Variants in TSC22D1 observed in about 807,000 individuals in gnomAD.
TSC22D1 encodes TSC22 domain family protein 1.
TSC22D1 carries 9 observed loss-of-function variants against 74.2 expected under a neutral mutation model. The ratio of observed to expected loss-of-function variants is 0.12; its 90% confidence interval spans 0.07 to 0.21. The LOEUF (loss-of-function observed/expected upper bound fraction) is 0.21, where lower values mean the gene tolerates loss of function less well. Among genes scored for constraint, TSC22D1 ranks in the 10% least tolerant of loss-of-function variants. TSC22D1 has a pLI of 1.00. For missense variants in TSC22D1, 1,427 were observed against 1,304.7 expected (o/e 1.09, Z -1.44); for synonymous variants, 586 against 492.5 (o/e 1.19, Z -2.51).
chr13:44,536,821 C>T (rs1435635721), intron 1 of TSC22D1: 3 of 981,722 alleles, frequency 3.1e-6, no homozygotes, highest in Non-Finnish European at 3.6e-6. Context: ...AAAGATGATG[C>T]TAATCAGGAA....
intron 1 of TSC22D1, among the ~76,000 whole-genome samples, chr13:44,530,131 G>A (rs1880751959): frequency 6.6e-6 from 1 of 152,100 alleles, no homozygotes; most frequent in Non-Finnish European, 1.5e-5. Flanking sequence ...AACCAAGTCA[G>A]AGGATTTACA....
Position 44,433,783 on chromosome 13 carries a change from A to G in TSC22D1, c.*843T>C. ...TCAGCAGCTAGATTTCAGATTACAC[A>G]AAGTGAGTAACTGTGCCAAATTCTT... On this transcript the variant is annotated 3_prime_UTR_variant, in exon 3 of 3. Transcript: ENST00000458659. The G allele has an allele frequency of 3.8e-6, 2 of 528,910 alleles. No individual in the cohort carries two copies. The highest frequency in any genetic ancestry group is 6.4e-6 in the Non-Finnish European group (2 of 310,592). The allele number at this position is 528,910 out of a possible 1,614,324, so 32.8% of individuals were successfully genotyped here. A position where few individuals can be genotyped will look rare whatever the true frequency, so the allele number is the denominator to read the frequency against.
chr13:44,489,014 T>C (rs929695932), intron 1 of TSC22D1, among the ~76,000 whole-genome samples: 1 of 152,048 alleles, frequency 6.6e-6, no homozygotes, highest in Non-Finnish European at 1.5e-5. Context: ...CCTTCCCAGA[T>C]ACCAAAACTT....
chr13:44,519,545 A>G (rs184163792), intron 1 of TSC22D1, among the ~76,000 whole-genome samples: 13 of 152,286 alleles, frequency 8.5e-5, no homozygotes, highest in Admixed American at 5.9e-4. Context: ...TGGGCAAAAG[A>G]GACAGCCAAA....
intron 1 of TSC22D1, among the ~76,000 whole-genome samples, chr13:44,565,162 A>G (rs1883288837): frequency 6.6e-6 from 1 of 152,196 alleles, no homozygotes; most frequent in Non-Finnish European, 1.5e-5. Flanking sequence ...TCAGAAGCCA[A>G]TAGCATACAA....
chr13:44,537,002 T>C (rs1375638018), intron 1 of TSC22D1: 1 of 962,436 alleles, frequency 1.0e-6, no homozygotes, highest in Non-Finnish European at 1.2e-6. Flanking sequence ...TTCAGAAATA[T>C]TTAGAGAAAG....
intron 1 of TSC22D1, among the ~76,000 whole-genome samples, chr13:44,554,185 C>T (rs1021333870): frequency 6.6e-6 from 1 of 152,084 alleles, no homozygotes; most frequent in African/African-American, 2.4e-5. Flanking sequence ...AACAACAGCA[C>T]GGGTAGCTAT....
chr13:44,447,051 C>A (rs1339395774), intron 1 of TSC22D1, among the ~76,000 whole-genome samples: 2 of 152,080 alleles, frequency 1.3e-5, no homozygotes, highest in Middle Eastern at 3.4e-3. Context: ...CTGAAACTAT[C>A]CATTAAATAA....
chr13:44,447,645 C>T (rs1037740757), intron 1 of TSC22D1, among the ~76,000 whole-genome samples: 2 of 151,858 alleles, frequency 1.3e-5, no homozygotes, highest in Admixed American at 1.3e-4. Flanking sequence ...CTATATATAA[C>T]ACATGTATTT....
chr13:44,555,650 TCC>T (rs1373684130), intron 1 of TSC22D1, among the ~76,000 whole-genome samples: 3 of 151,962 alleles, frequency 2.0e-5, no homozygotes, highest in Admixed American at 2.0e-4. Context: ...TGTACAGCCA[TCC>T]TTGTCTTCAA....
rs780592755 is a variant in TSC22D1 at position 44,434,795 on chromosome 13, G to C, written c.3053C>G (p.Ser1018Cys). The C allele has an allele frequency of 1.2e-6, 2 of 1,614,064 alleles. No homozygotes were observed. Among genetic ancestry groups the C allele is most frequent in the Non-Finnish European group, 1.7e-6 (2 of 1,180,012 alleles). Residue 1018 changes from serine (S) to cysteine (C), a missense_variant, in exon 3 of 3, where the codon TCC becomes TGC. Ser to Cys is a moderately radical substitution (Grantham distance 112, BLOSUM62 -1). This residue lies in a region of TSC22D1 where 21 missense variants were observed against 62.7 expected (regional missense o/e 0.34). Coordinates refer to ENST00000458659, the MANE Select transcript of TSC22D1 (RefSeq NM_183422.4). Reference protein sequence around the residue: ...EQIKELIEKNSQLEQENNLLK... With the variant: ...EQIKELIEKNCQLEQENNLLK... ...CAGATTGTTCTCCTGCTCCAGCTGGGAATTTTTCTCTATTAGTTCTTTGAT... is the reference window on the plus strand; with the variant it reads ...CAGATTGTTCTCCTGCTCCAGCTGGCAATTTTTCTCTATTAGTTCTTTGAT...
At chr13:44,491,585 T>A (rs1403959871) in intron 1 of TSC22D1, among the ~76,000 whole-genome samples, 1 of 150,738 alleles carries the variant, frequency 6.6e-6, no homozygotes, top group African/African-American at 2.4e-5. Context: ...AAGAAAAGAT[T>A]AGTATCCAGA....
At chr13:44,462,424 G>A (rs1185290109) in intron 1 of TSC22D1, among the ~76,000 whole-genome samples, 1 of 152,100 alleles carries the variant, frequency 6.6e-6, no homozygotes, top group African/African-American at 2.4e-5. Flanking sequence ...TTCAACAAAA[G>A]AAAGAAGTAC....
At chr13:44,504,826 T>TTAA (rs1879374835) in intron 1 of TSC22D1, among the ~76,000 whole-genome samples, 1 of 152,182 alleles carries the variant, frequency 6.6e-6, no homozygotes, top group South Asian at 2.1e-4. Context: ...CATCTCTTAT[T>TTAA]TAATTCTAAG....
intron 1 of TSC22D1, among the ~76,000 whole-genome samples, chr13:44,503,576 G>T (rs1158305540): frequency 1.3e-5 from 2 of 152,166 alleles, no homozygotes; most frequent in East Asian, 3.8e-4. Context: ...TTCAATTTGG[G>T]TTGGGGCTGG....
chr13:44,573,346 A>G lies in TSC22D1; in HGVS notation c.2729T>C (p.Ile910Thr), dbSNP rs1883910564. ...QSLAQAIGSQ[I>T]EDARRAAEPS... ...CTCCGCTGCACGCCTGGCATCTTCA[A>G]TTTGGCTTCCAATTGCCTGAGCTAA... The change falls in exon 1 of 3, where the codon ATT becomes ACT. Residue 910 changes from isoleucine to threonine, a missense_variant. This residue lies in a region of TSC22D1 where 1,343 missense variants were observed against 1,191.5 expected (regional missense o/e 1.13). Transcript: ENST00000458659. 5 of 1,614,248 alleles carry G rather than the reference A, an allele frequency of 3.1e-6. No individual in the cohort carries two copies. In the South Asian group the frequency reaches 4.4e-5, roughly 14 times the overall value.
At chr13:44,517,290 CAG>C (rs754810508) in intron 1 of TSC22D1, among the ~76,000 whole-genome samples, 1 of 151,478 alleles carries the variant, frequency 6.6e-6, no homozygotes, top group Non-Finnish European at 1.5e-5. Context: ...ACTTCTAAAA[CAG>C]AGAGCAATAG....
chr13:44,555,559 T>C (rs1197713862), intron 1 of TSC22D1, among the ~76,000 whole-genome samples: 1 of 152,132 alleles, frequency 6.6e-6, no homozygotes, highest in East Asian at 1.9e-4. Flanking sequence ...TGATCCGAGA[T>C]TGTGCCACTG....
chr13:44,540,679 G>C (rs1410042179), intron 1 of TSC22D1, among the ~76,000 whole-genome samples: 1 of 152,120 alleles, frequency 6.6e-6, no homozygotes, highest in Non-Finnish European at 1.5e-5. Context: ...AATTAAAGCA[G>C]TAAGATATAC....
Sources: allele counts gnomAD v4.1 joint callset (sites outside exome capture counted in the v4.1 genomes callset), GRCh38; gene constraint gnomAD v4.1.1; regional missense constraint gnomAD v4.1.1; transcripts MANE v1.5; gene names NCBI Gene and HGNC (gene_info 2026-07-23, HGNC 2026-07-21).